The following GTF2IRD1 variants were observed in gnomAD, a reference collection of about 807,000 sequenced individuals.
GTF2IRD1 encodes the protein GTF2I repeat domain containing 1.
In GTF2IRD1, 26 loss-of-function variants were observed where a neutral mutation model predicts 113.2. That is an observed-to-expected ratio of 0.23 (90% CI 0.17 to 0.32). The LOEUF is 0.32. GTF2IRD1 is among the 10% of genes least tolerant of loss of function. The probability of loss-of-function intolerance (pLI) is 1.00; values close to 1 mark genes in which losing one functional copy is unlikely to be tolerated. For synonymous variants in GTF2IRD1, 484 were observed against 529.1 expected (o/e 0.91, Z 1.17); for missense variants, 864 against 1,280.8 (o/e 0.67, Z 4.97).
At chr7:74,515,845 G>T in intron 4 of GTF2IRD1, among the ~76,000 whole-genome samples, 1 of 152,072 alleles carries the variant, frequency 6.6e-6, no homozygotes, top group Non-Finnish European at 1.5e-5. Flanking sequence ...GCCACCTCTC[G>T]CCTAGAAATA....
chr7:74,483,817 T>A (rs1259911075), intron 1 of GTF2IRD1, among the ~76,000 whole-genome samples: 1 of 152,066 alleles, frequency 6.6e-6, no homozygotes, highest in Admixed American at 6.5e-5. Context: ...ATCACGCCAT[T>A]GCATTCCAGC....
intron 1 of GTF2IRD1, among the ~76,000 whole-genome samples, chr7:74,466,338 C>T (rs902616754): frequency 2.6e-5 from 4 of 152,096 alleles, no homozygotes; most frequent in Non-Finnish European, 5.9e-5. Flanking sequence ...AAGCGTAGGG[C>T]CAGAGACAGG....
chr7:74,473,114 C>CT (rs1410517988), intron 1 of GTF2IRD1, among the ~76,000 whole-genome samples: 1 of 152,202 alleles, frequency 6.6e-6, no homozygotes, highest in Non-Finnish European at 1.5e-5. Flanking sequence ...CTTTGGAGCT[C>CT]CTGACATCAC....
chr7:74,507,137 C>G, intron 1 of GTF2IRD1: 1 of 152,206 alleles, frequency 6.6e-6, no homozygotes, highest in East Asian at 1.9e-4. Context: ...AGCTGGGCTT[C>G]AGGTTGGGGG....
At chr7:74,463,422 T>TG (rs1216519632) in intron 1 of GTF2IRD1, among the ~76,000 whole-genome samples, 4 of 152,034 alleles carry the variant, frequency 2.6e-5, no homozygotes, top group Admixed American at 2.6e-4. Context: ...TTTGTAGAGA[T>TG]GGGGGTCTCG....
chr7:74,541,308 T>C (rs1798624647), intron 14 of GTF2IRD1, among the ~76,000 whole-genome samples: 1 of 151,734 alleles, frequency 6.6e-6, no homozygotes, highest in Non-Finnish European at 1.5e-5. Flanking sequence ...CTGGGCAACA[T>C]AGCAAGACTC....
At chr7:74,545,639 AT>A in intron 15 of GTF2IRD1, 104 bp from the exon 16 acceptor site, 1 of 612,604 alleles carries the variant, frequency 1.6e-6, no homozygotes, top group Non-Finnish European at 3.0e-6. Context: ...GCCTTCCCCC[AT>A]TCCAAGATCC....
intron 1 of GTF2IRD1, among the ~76,000 whole-genome samples, chr7:74,457,936 T>C (rs1221953838): frequency 1.3e-5 from 2 of 149,828 alleles, no homozygotes; most frequent in South Asian, 2.1e-4. Flanking sequence ...TGGCATGCAG[T>C]GGCGCCATCT....
intron 22 of GTF2IRD1, among the ~76,000 whole-genome samples, chr7:74,577,397 C>T (rs187802488): frequency 7.4e-4 from 113 of 152,218 alleles, no homozygotes; most frequent in East Asian, 1.9e-4. Context: ...CACACACACG[C>T]GCACACACAT....
intron 13 of GTF2IRD1, among the ~76,000 whole-genome samples, 156 bp from the exon 14 acceptor site, chr7:74,539,723 G>C (rs112596259): frequency 1.2e-3 from 183 of 151,578 alleles, no homozygotes; most frequent in Middle Eastern, 3.4e-3. Flanking sequence ...CTGCCTGGAC[G>C]ACAGAGTGAG....
chr7:74,558,542 T>G (rs1266759118), intron 20 of GTF2IRD1, among the ~76,000 whole-genome samples: 2 of 151,566 alleles, frequency 1.3e-5, no homozygotes, highest in South Asian at 4.2e-4. Context: ...TTTTAGAAAT[T>G]TTTAGTAAAG....
In GTF2IRD1 at chr7:74,501,725, C is replaced by T. The variant is rs375322510; in HGVS notation, c.-6-6350C>T. 6.6e-5 allele frequency among the ~76,000 whole-genome samples: 10 copies of T among 152,286 alleles called. No homozygotes were observed. In the East Asian group the frequency reaches 1.9e-3, roughly 29 times the overall value. On this transcript the variant is annotated intron_variant, in intron 1 of 26. Coordinates refer to ENST00000424337, the MANE Select transcript of GTF2IRD1 (RefSeq NM_005685.4). ...GGAGTGCAGTGGCGTGATCTCTGCT[C>T]ACTGCAACCTCGACCTCCTGGGTTC...
At chr7:74,567,586 G>A (rs1461575479) in intron 22 of GTF2IRD1, among the ~76,000 whole-genome samples, 1 of 152,108 alleles carries the variant, frequency 6.6e-6, no homozygotes, top group Non-Finnish European at 1.5e-5. Context: ...ATCTGCCAAG[G>A]ACCAAGCACC....
chr7:74,589,846 T>C lies in GTF2IRD1; in HGVS notation c.2321-5T>C. On this transcript the variant is annotated splice_polypyrimidine_tract_variant and splice_region_variant and intron_variant, in intron 22 of 26. Transcript: ENST00000424337. ...CTCTCATGCCCCCTTGTCTTCCTCT[T>C]GTAGATGAAGATGACGCCAACAGAC... 2 of 1,590,840 alleles carry C rather than the reference T, an allele frequency of 1.3e-6. No homozygotes were observed. The highest frequency in any genetic ancestry group is 4.5e-5 in the East Asian group (2 of 44,740).
chr7:74,559,751 G>C, intron 22 of GTF2IRD1, 96 bp downstream of exon 22: 3 of 1,048,960 alleles, frequency 2.9e-6, no homozygotes, highest in Non-Finnish European at 4.0e-6. Context: ...CAGGTTCTGG[G>C]GTCTGGGAAC....
chr7:74,509,061 A>AAAAAAAAAAATCTGGC (rs1796469046), intron 2 of GTF2IRD1, among the ~76,000 whole-genome samples: 1 of 140,924 alleles, frequency 7.1e-6, no homozygotes, highest in Non-Finnish European at 1.6e-5. Context: ...TGGAAGTGTT[A>AAAAAAAAAAATCTGGC]AAAAAAAAAA....
intron 1 of GTF2IRD1, among the ~76,000 whole-genome samples, chr7:74,457,614 C>G (rs1172863009): frequency 6.6e-6 from 1 of 152,156 alleles, no homozygotes; most frequent in Non-Finnish European, 1.5e-5. Flanking sequence ...AACCTTAACC[C>G]TGGGGGCTTT....
intron 22 of GTF2IRD1, among the ~76,000 whole-genome samples, chr7:74,578,886 C>A (rs1801242534): frequency 6.6e-6 from 1 of 151,696 alleles, no homozygotes; most frequent in Non-Finnish European, 1.5e-5. Context: ...ATTCAAGAGG[C>A]TGAGGCGGGA....
At chr7:74,525,578 C>T (rs1464936719) in intron 8 of GTF2IRD1, among the ~76,000 whole-genome samples, 3 of 152,070 alleles carry the variant, frequency 2.0e-5, no homozygotes, top group African/African-American at 7.2e-5. Context: ...ATGGTGAAAC[C>T]CCGTCTCTAC....
Sources: gnomAD v4.1 joint callset for allele counts (sites outside exome capture counted in the v4.1 genomes callset) on GRCh38, gnomAD v4.1.1 for gene constraint, MANE v1.5 for transcripts, NCBI Gene and HGNC (gene_info 2026-07-23, HGNC 2026-07-21) for gene names.